SMAD4: variants seen among roughly 807,000 people sequenced by gnomAD.
SMAD4 encodes the protein MAD homolog 4.
Under a neutral mutation model 63.2 loss-of-function variants are expected in SMAD4, and 7 were observed. The observed-to-expected ratio is 0.11, with a 90% confidence interval of 0.06 to 0.21. The LOEUF (loss-of-function observed/expected upper bound fraction) is 0.21, where lower values mean the gene tolerates loss of function less well. SMAD4 is among the 10% of genes least tolerant of loss of function. SMAD4 has a pLI of 1.00. For missense variants in SMAD4, 312 were observed against 693.8 expected, an observed-to-expected ratio of 0.45 and a Z score of 6.18; for synonymous variants, 215 against 235.4, an observed-to-expected ratio of 0.91 and a Z score of 0.79.
chr18:51,066,599 G>A (rs1362307707), intron 9 of SMAD4, among the ~76,000 whole-genome samples: 2 of 152,168 alleles, frequency 1.3e-5, no homozygotes, highest in Non-Finnish European at 2.9e-5. Context: ...GTAGCCACTA[G>A]CCACATGTAA....
chr18:51,058,065 T>G, intron 5 of SMAD4, 60 bp from the exon 6 acceptor site: 1 of 1,594,972 alleles, frequency 6.3e-7, no homozygotes, highest in Non-Finnish European at 8.6e-7. Flanking sequence ...TCATTTAGTA[T>G]ATGAAATCAT....
chr18:51,055,312 T>C (rs1050956604), intron 5 of SMAD4, among the ~76,000 whole-genome samples: 1 of 152,204 alleles, frequency 6.6e-6, no homozygotes, highest in Non-Finnish European at 1.5e-5. Flanking sequence ...CCAAGATGTT[T>C]ATGAAGGTCT....
rs140487104 is a variant in SMAD4 at position 51,076,721 on chromosome 18, C to A, written c.1392C>A (p.Ala464=). 1 of 1,613,074 alleles carries A rather than the reference C, an allele frequency of 6.2e-7. No homozygotes were observed. The highest frequency in any genetic ancestry group is 8.5e-7 in the Non-Finnish European group (1 of 1,179,102). The stretch of plus-strand genomic sequence containing the variant: ...CTGCAGCAGCTGCCCAGGCAGCAGC[C>A]GTGGCAGGAAACATCCCTGGCCCAG... The part of the protein sequence containing the change: ...AQAAAAAQAA[A]VAGNIPGPGS... The change falls in exon 11 of 12, where the codon GCC becomes GCA. Residue 464 remains alanine (A), a synonymous_variant. Coordinates refer to ENST00000342988, the MANE Select transcript of SMAD4 (RefSeq NM_005359.6).
At chr18:51,061,584 G>A (rs1298522336) in intron 8 of SMAD4, among the ~76,000 whole-genome samples, 1 of 152,060 alleles carries the variant, frequency 6.6e-6, no homozygotes, top group African/African-American at 2.4e-5. Flanking sequence ...CAAGCATAAA[G>A]AATTTTAAGC....
chr18:51,054,053 T>TA (rs1909776518), intron 4 of SMAD4: 1 of 152,306 alleles, frequency 6.6e-6, no homozygotes, highest in Non-Finnish European at 1.5e-5. Context: ...GGAAAGATGT[T>TA]ATGCTGTATC....
In SMAD4 at chr18:51,067,085, T is replaced by C. The variant is rs758696549; in HGVS notation, c.1206T>C (p.Leu402=). The C allele has an allele frequency of 1.9e-6, 3 of 1,612,692 alleles. No individual in the cohort carries two copies. Among genetic ancestry groups the C allele is most frequent in the Non-Finnish European group, 2.5e-6 (3 of 1,178,668 alleles). ...KGEGDVWVRC[L]SDHAVFVQSY... is the part of the protein sequence containing the mutation. Reference sequence around the variant, plus strand: ...AAGGTGATGTTTGGGTCAGGTGCCTTAGTGACCACGCGGTCTTTGTACAGA... The same window carrying C: ...AAGGTGATGTTTGGGTCAGGTGCCTCAGTGACCACGCGGTCTTTGTACAGA... The change falls in exon 10 of 12, where the codon CTT becomes CTC. Residue 402 remains leucine, a synonymous_variant. Transcript: ENST00000342988.
At position 51,067,448 on chromosome 18, in the gene SMAD4, C is replaced by T. The variant is rs562577499; in HGVS notation, c.1308+261C>T. ...TATTTTTGAGACAGAGTCTTGCTCT[C>T]GTCGCCCAGGCTGGAATGCAGTGGC... On this transcript the variant is annotated intron_variant, in intron 10 of 11. Coordinates refer to ENST00000342988, the MANE Select transcript of SMAD4 (RefSeq NM_005359.6). 3.2e-4 allele frequency among the ~76,000 whole-genome samples: 48 copies of T among 151,878 alleles called. No homozygotes were observed. In the South Asian group the frequency reaches 8.7e-3, roughly 28 times the overall value.
At chr18:51,071,089 TA>T (rs1289990144) in intron 10 of SMAD4, among the ~76,000 whole-genome samples, 3 of 152,202 alleles carry the variant, frequency 2.0e-5, no homozygotes, top group Non-Finnish European at 4.4e-5. Context: ...CTGTATACCT[TA>T]AAATTTAACC....
At chr18:51,060,047 T>TGC (rs1909965785) in intron 8 of SMAD4, 131 bp downstream of exon 8, 2 of 730,378 alleles carry the variant, frequency 2.7e-6, no homozygotes, top group African/African-American at 3.5e-5. Flanking sequence ...TGACATGAGT[T>TGC]AATCAACAGT....
In SMAD4 at chr18:51,078,890, T is replaced by C. The variant is rs1324673375; in HGVS notation, c.*423T>C. The stretch of plus-strand genomic sequence containing the variant: ...AAGTTAATTCACCTATGTTATTTTG[T>C]GTACAAGTTGTTATTGTTGAACATA... On this transcript the variant is annotated 3_prime_UTR_variant, in exon 12 of 12. Transcript: ENST00000342988. 1.7e-5 allele frequency: 4 copies of C among 241,934 alleles called. No homozygotes were observed. Among genetic ancestry groups the C allele is most frequent in the Non-Finnish European group, 3.2e-5 (4 of 123,194 alleles). The allele number at this position is 241,934 out of a possible 1,614,324, so 15.0% of individuals were successfully genotyped here. A position where few individuals can be genotyped will look rare whatever the true frequency, so the allele number is the denominator to read the frequency against.
intron 1 of SMAD4, among the ~76,000 whole-genome samples, chr18:51,035,738 A>G (rs1487851638): frequency 6.6e-6 from 1 of 152,198 alleles, no homozygotes; most frequent in African/African-American, 2.4e-5. Flanking sequence ...GAGATCATCT[A>G]GGGCATGTTC....
chr18:51,045,153 C>T (rs1470878262), intron 1 of SMAD4: 2 of 152,110 alleles, frequency 1.3e-5, no homozygotes, highest in African/African-American at 4.8e-5. Context: ...GTAACTGTAA[C>T]GGAATGTAGG....
At position 51,058,447 on chromosome 18, in the gene SMAD4, G is replaced by A. The variant is rs1330888967; in HGVS notation, c.895G>A (p.Gly299Arg). Reference sequence around the variant, plus strand: ...CCACCCGCCTATGCCGCCCCATCCCGGACATTACTGTAAGCTCTTGTTTTT... The same window carrying A: ...CCACCCGCCTATGCCGCCCCATCCCAGACATTACTGTAAGCTCTTGTTTTT... ...QHHPPMPPHP[G>R]HYWPVHNELA... Residue 299 changes from glycine to arginine, a missense_variant, in exon 7 of 12, where the codon GGA (glycine) becomes AGA (arginine). Physicochemically the swap from Gly to Arg is moderately radical, Grantham distance 125. This residue lies in a region of SMAD4 where 169 missense variants were observed against 211.0 expected (regional missense o/e 0.80). Transcript: ENST00000342988. The A allele has an allele frequency of 1.9e-6, 3 of 1,610,312 alleles. No homozygotes were observed. Among genetic ancestry groups the A allele is most frequent in the East Asian group, 2.2e-5 (1 of 44,818 alleles).
chr18:51,071,557 A>T (rs1910319249), intron 10 of SMAD4, among the ~76,000 whole-genome samples: 2 of 152,170 alleles, frequency 1.3e-5, no homozygotes, highest in Admixed American at 1.3e-4. Flanking sequence ...AAAGTAAAAT[A>T]TGTTTTGTTT....
rs541243260 is a variant in SMAD4 at position 51,080,761 on chromosome 18, G to T, written c.*2294G>T. On this transcript the variant is annotated 3_prime_UTR_variant, in exon 12 of 12. Coordinates refer to ENST00000342988, the MANE Select transcript of SMAD4 (RefSeq NM_005359.6). Reference sequence around the variant, plus strand: ...TTTGCCTGTTGGCCAGGCTGGTCTTGAACTCCTGACCTCAAGTGATCCATC... The same window carrying T: ...TTTGCCTGTTGGCCAGGCTGGTCTTTAACTCCTGACCTCAAGTGATCCATC... 5.2e-5 allele frequency: 9 copies of T among 173,004 alleles called. No homozygotes were observed. The highest frequency in any genetic ancestry group is 1.0e-4 in the Non-Finnish European group (8 of 80,008). 10.7% of individuals were successfully genotyped at this position (173,004 alleles called of 1,614,324 possible).
At chr18:51,078,155 A>G (rs1314824579) in intron 11 of SMAD4, 101 bp from the exon 12 acceptor site, 29 of 956,934 alleles carry the variant, frequency 3.0e-5, no homozygotes, top group Admixed American at 5.6e-5. Context: ...TGCTGAGGAG[A>G]ATGAAATACA....
At chr18:51,041,904 G>T (rs1909395102) in intron 1 of SMAD4, among the ~76,000 whole-genome samples, 1 of 152,184 alleles carries the variant, frequency 6.6e-6, no homozygotes, top group African/African-American at 2.4e-5. Context: ...CTGATACGTT[G>T]TGCCAAGACC....
At chr18:51,031,056 C>G (rs1909035403) in intron 1 of SMAD4, among the ~76,000 whole-genome samples, 1 of 152,264 alleles carries the variant, frequency 6.6e-6, no homozygotes, top group Admixed American at 6.5e-5. Flanking sequence ...GTCTTTGTCC[C>G]CTACTTTCTC....
intron 8 of SMAD4, among the ~76,000 whole-genome samples, chr18:51,062,851 GTTTTTTTTTTTT>G (rs71171374): frequency 9.2e-5 from 6 of 65,394 alleles, no homozygotes; most frequent in African/African-American, 3.8e-4. Flanking sequence ...GGCTTTACTT[GTTTTTTTTTTTT>G]TTTTTTTTTT....
Sources: gnomAD v4.1 joint callset for allele counts (sites outside exome capture counted in the v4.1 genomes callset) on GRCh38, gnomAD v4.1.1 for gene constraint, gnomAD v4.1.1 regional missense constraint, MANE v1.5 for transcripts, NCBI Gene and HGNC (gene_info 2026-07-23, HGNC 2026-07-21) for gene names.